Variants in ARHGEF38 observed in about 807,000 individuals in gnomAD.
The protein encoded by ARHGEF38 is Rho guanine nucleotide exchange factor (GEF) 38.
Under a neutral mutation model 79.9 loss-of-function variants are expected in ARHGEF38, and 79 were observed. The ratio of observed to expected loss-of-function variants is 0.99; its 90% CI spans 0.82 to 1.19. The LOEUF is 1.19. Ranked by LOEUF, ARHGEF38 falls within the 50% of genes most tolerant of loss-of-function variation. The probability of loss-of-function intolerance (pLI) is 0.00; values close to 1 mark genes in which losing one functional copy is unlikely to be tolerated. For missense variants in ARHGEF38, 962 were observed against 907.2 expected (o/e 1.06, Z -0.78); for synonymous variants, 366 against 328.3 (o/e 1.11, Z -1.24).
intron 3 of ARHGEF38, among the ~76,000 whole-genome samples, chr4:105,619,248 T>C (rs1289086581): frequency 1.3e-5 from 2 of 151,690 alleles, no homozygotes; most frequent in African/African-American, 4.8e-5. Flanking sequence ...TACAACAGCA[T>C]TATCACTTCT....
intron 1 of ARHGEF38, among the ~76,000 whole-genome samples, chr4:105,561,439 A>G (rs917829030): frequency 0.073 from 3,171 of 43,504 alleles, 310 homozygotes; most frequent in Non-Finnish European, 0.087. Context: ...AGAATAGAAT[A>G]GAATAGAATG....
At chr4:105,648,819 C>CTCTCT in intron 7 of ARHGEF38, 137 bp downstream of exon 7, 1 of 490,054 alleles carries the variant, frequency 2.0e-6, no homozygotes, top group Non-Finnish European at 3.1e-6. Flanking sequence ...CTCTTGTCTC[C>CTCTCT]CTCTCTCTCT....
intron 4 of ARHGEF38, among the ~76,000 whole-genome samples, chr4:105,634,860 G>A (rs1454311662): frequency 1.3e-5 from 2 of 152,084 alleles, no homozygotes; most frequent in Admixed American, 1.3e-4. Context: ...GGGCACTTTG[G>A]CTGCTCACAT....
chr4:105,645,155 T>C, intron 5 of ARHGEF38, 33 bp from the exon 6 acceptor site: 1 of 1,274,944 alleles, frequency 7.8e-7, no homozygotes. Context: ...AAACATATGT[T>C]TGTGAAACTG....
intron 3 of ARHGEF38, among the ~76,000 whole-genome samples, chr4:105,627,115 G>A (rs1424329360): frequency 1.3e-5 from 2 of 152,112 alleles, no homozygotes; most frequent in Admixed American, 6.5e-5. Context: ...TAATTTCCTT[G>A]AAGGAAGAGT....
At chr4:105,654,713 T>C (rs1730251549) in intron 8 of ARHGEF38, among the ~76,000 whole-genome samples, 1 of 152,182 alleles carries the variant, frequency 6.6e-6, no homozygotes, top group South Asian at 2.1e-4. Flanking sequence ...AACCAACTAA[T>C]TGGAGTACAG....
intron 1 of ARHGEF38, among the ~76,000 whole-genome samples, chr4:105,577,627 G>C (rs1016338344): frequency 6.6e-6 from 1 of 151,758 alleles, no homozygotes; most frequent in African/African-American, 2.4e-5. Flanking sequence ...GTCTAATCAG[G>C]GTTCCTATTT....
chr4:105,561,495 GAATAGAATAGAATA>G (rs1725606527), intron 1 of ARHGEF38: 1 of 143,468 alleles, frequency 7.0e-6, no homozygotes, highest in South Asian at 2.3e-4. Context: ...GAATAGAATA[GAATAGAATAGAATA>G]GAATAGAATA....
chr4:105,679,909 CA>C lies in ARHGEF38; in HGVS notation c.*1976del. The C allele has an allele frequency of 7.0e-7, 1 of 1,421,534 alleles. No individual in the cohort carries two copies. The highest frequency in any genetic ancestry group is 9.9e-7 in the Non-Finnish European group (1 of 1,009,290). 88.1% of individuals were successfully genotyped at this position (1,421,534 alleles called of 1,614,324 possible). On this transcript the variant is annotated 3_prime_UTR_variant, in exon 14 of 14. Transcript: ENST00000420470. Reference sequence around the variant, plus strand: ...CACGAGGAGCCACATTGGTTGCCACCAAAACTTTATAATTACCTCTCTGAAG... The same window carrying C: ...CACGAGGAGCCACATTGGTTGCCACCAAACTTTATAATTACCTCTCTGAAG...
intron 10 of ARHGEF38, among the ~76,000 whole-genome samples, chr4:105,663,790 C>T (rs991819981): frequency 1.3e-4 from 20 of 152,036 alleles, no homozygotes; most frequent in African/African-American, 4.6e-4. Context: ...GCCAACATGG[C>T]GAAACCTTGT....
At chr4:105,598,381 AT>A (rs1727675077) in intron 2 of ARHGEF38, among the ~76,000 whole-genome samples, 2 of 152,278 alleles carry the variant, frequency 1.3e-5, no homozygotes, top group South Asian at 4.1e-4. Flanking sequence ...AAAAACAGGG[AT>A]TTTGTTCACT....
intron 13 of ARHGEF38, among the ~76,000 whole-genome samples, chr4:105,676,855 C>T (rs945544652): frequency 6.6e-6 from 1 of 151,920 alleles, no homozygotes; most frequent in Non-Finnish European, 1.5e-5. Context: ...TAATATTAGA[C>T]TTATATCGTA....
Position 105,679,875 on chromosome 4 carries a change from T to C in ARHGEF38, c.*1938T>C. The stretch of plus-strand genomic sequence containing the variant: ...TGAATCACCAGGTCAACTACAGGAA[T>C]GTCCAAACCACGAGGAGCCACATTG... On this transcript the variant is annotated 3_prime_UTR_variant, in exon 14 of 14. Coordinates refer to ENST00000420470, the MANE Select transcript of ARHGEF38 (RefSeq NM_001242729.2). The C allele has an allele frequency of 7.0e-7, 1 of 1,430,042 alleles. No homozygotes were observed. The highest frequency in any genetic ancestry group is 9.8e-7 in the Non-Finnish European group (1 of 1,016,780). 88.6% of individuals were successfully genotyped at this position (1,430,042 alleles called of 1,614,324 possible). A position where few individuals can be genotyped will look rare whatever the true frequency, so the allele number is the denominator to read the frequency against.
Position 105,585,169 on chromosome 4 carries a change from A to G in ARHGEF38, c.197-4079A>G, listed in dbSNP as rs1447958543. Among the ~76,000 whole-genome samples the G allele has an allele frequency of 2.0e-5, 3 of 151,916 alleles. No homozygotes were observed. The East Asian group carries it at 5.8e-4, about 29-fold the overall frequency. ...TTGAGACTGTAGAGAAAGTAACCCT[A>G]TTTTTCCCATTCCCACAGAAATAGT... On this transcript the variant is annotated intron_variant, in intron 1 of 13. Coordinates refer to ENST00000420470, the MANE Select transcript of ARHGEF38 (RefSeq NM_001242729.2).
Position 105,555,769 on chromosome 4 carries a change from T to C in ARHGEF38, c.196+2808T>C, listed in dbSNP as rs184447028. On this transcript the variant is annotated intron_variant, in intron 1 of 13. Coordinates refer to ENST00000420470, the MANE Select transcript of ARHGEF38 (RefSeq NM_001242729.2). ...AGTAAAATTCACTGCTCTAACTCTC[T>C]GGGGAAGCAAGTTCTCTGGGTTCCG... 2.6e-5 allele frequency among the ~76,000 whole-genome samples: 4 copies of C among 152,328 alleles called. No individual in the cohort carries two copies. In the East Asian group the frequency reaches 5.8e-4, roughly 22 times the overall value.
intron 1 of ARHGEF38, among the ~76,000 whole-genome samples, chr4:105,556,601 C>T (rs1024679267): frequency 6.6e-6 from 1 of 152,096 alleles, no homozygotes; most frequent in Admixed American, 6.6e-5. Flanking sequence ...TTGTTTATCA[C>T]CTGTTATTGA....
Position 105,556,458 on chromosome 4 carries a change from GCATGAAGGAGGTTGT to G in ARHGEF38, c.196+3500_196+3514del, listed in dbSNP as rs1725254825. ...AGGAGGAAACGGTCTATTCAGGACT[GCATGAAGGAGGTTGT>G]CAGAAAATGGTGTCTCTAAGAAATG... On this transcript the variant is annotated intron_variant, in intron 1 of 13. Coordinates refer to ENST00000420470, the MANE Select transcript of ARHGEF38 (RefSeq NM_001242729.2). Among the ~76,000 whole-genome samples the G allele has an allele frequency of 1.3e-5, 2 of 152,162 alleles. 1 individual carries two copies. Among genetic ancestry groups the G allele is most frequent in the African/African-American group, 4.8e-5 (2 of 41,448 alleles).
At chr4:105,646,728 G>A (rs1389654347) in intron 6 of ARHGEF38, among the ~76,000 whole-genome samples, 1 of 151,864 alleles carries the variant, frequency 6.6e-6, no homozygotes, top group Non-Finnish European at 1.5e-5. Context: ...CCAGATAGTG[G>A]ATAAACTGCA....
chr4:105,595,200 A>C (rs191730314), intron 2 of ARHGEF38, among the ~76,000 whole-genome samples: 1 of 152,312 alleles, frequency 6.6e-6, no homozygotes, highest in East Asian at 1.9e-4. Flanking sequence ...CTCCATTACC[A>C]GCATCTTTTT....
Sources: allele counts gnomAD v4.1 joint callset (sites outside exome capture counted in the v4.1 genomes callset), GRCh38; gene constraint gnomAD v4.1.1; transcripts MANE v1.5; gene names NCBI Gene and HGNC (gene_info 2026-07-23, HGNC 2026-07-21).